ARHGAP42: variants seen among roughly 807,000 people sequenced by gnomAD.
The protein encoded by ARHGAP42 is rho GTPase-activating protein 42.
In ARHGAP42, 63 loss-of-function variants were observed where a neutral mutation model predicts 125.0. That is an observed-to-expected ratio of 0.50 (90% CI 0.41 to 0.62). ARHGAP42 has a LOEUF of 0.62. Ranked by LOEUF, ARHGAP42 falls within the 20% of genes least tolerant of loss-of-function variation. ARHGAP42 has a pLI of 0.00. For synonymous variants in ARHGAP42, 339 were observed against 351.0 expected (o/e 0.97, Z 0.38); for missense variants, 766 against 1,024.2 (o/e 0.75, Z 3.44).
chr11:100,790,358 T>C (rs1234389726), intron 2 of ARHGAP42, among the ~76,000 whole-genome samples: 2 of 152,268 alleles, frequency 1.3e-5, no homozygotes, highest in Admixed American at 1.3e-4. Context: ...TTTTTTGTTC[T>C]GAAAGTGTTT....
At chr11:100,933,067 T>C in intron 6 of ARHGAP42, 89 bp from the exon 7 acceptor site, 2 of 866,906 alleles carry the variant, frequency 2.3e-6, no homozygotes, top group Admixed American at 3.0e-5. Flanking sequence ...TGAGGAATTA[T>C]AATGAAATAT....
chr11:100,899,696 GT>G (rs1170124840), intron 4 of ARHGAP42, among the ~76,000 whole-genome samples: 10,346 of 124,358 alleles, frequency 0.083, 457 homozygotes, highest in East Asian at 0.29. Context: ...TGTTTGTTTT[GT>G]TTTTTTTGTT....
intron 1 of ARHGAP42, among the ~76,000 whole-genome samples, chr11:100,717,001 C>T (rs540570033): frequency 1.3e-5 from 2 of 152,268 alleles, no homozygotes; most frequent in South Asian, 2.1e-4. Context: ...ATTTCAACAG[C>T]TTAGACATCT....
intron 3 of ARHGAP42, among the ~76,000 whole-genome samples, chr11:100,821,999 G>T (rs1460533645): frequency 6.6e-6 from 1 of 152,020 alleles, no homozygotes; most frequent in Non-Finnish European, 1.5e-5. Context: ...AATATCCAAT[G>T]ACCATCCTGT....
rs989177772 is a variant in ARHGAP42 at position 100,799,695 on chromosome 11, A to G, written c.312+4529A>G. Reference sequence around the variant, plus strand: ...AAATAGTTCAGGAAAGCAATAAACTAAGTACCATAGTTATAATTCTAGAAA... The same window carrying G: ...AAATAGTTCAGGAAAGCAATAAACTGAGTACCATAGTTATAATTCTAGAAA... On this transcript the variant is annotated intron_variant, in intron 3 of 23. Coordinates refer to ENST00000298815, the MANE Select transcript of ARHGAP42 (RefSeq NM_152432.4). Among the ~76,000 whole-genome samples the G allele has an allele frequency of 2.6e-5, 4 of 152,228 alleles. No individual in the cohort carries two copies. The South Asian group carries it at 6.2e-4, about 24-fold the overall frequency.
Position 100,992,289 on chromosome 11 carries a change from T to G in ARHGAP42, c.*3488T>G. On this transcript the variant is annotated 3_prime_UTR_variant, in exon 24 of 24. Coordinates refer to ENST00000298815, the MANE Select transcript of ARHGAP42 (RefSeq NM_152432.4). ...TTGTTCTTTGCTTTTATGATACATTTGTAACTCACAGCTGTTAGCATGACC... is the reference window on the plus strand; with the variant it reads ...TTGTTCTTTGCTTTTATGATACATTGGTAACTCACAGCTGTTAGCATGACC... 1 of 1,559,832 alleles carries G rather than the reference T, an allele frequency of 6.4e-7. No individual in the cohort carries two copies. Among genetic ancestry groups the G allele is most frequent in the East Asian group, 2.2e-5 (1 of 44,542 alleles).
At chr11:100,896,556 T>C (rs1228148927) in intron 4 of ARHGAP42, among the ~76,000 whole-genome samples, 2 of 152,232 alleles carry the variant, frequency 1.3e-5, no homozygotes, top group African/African-American at 2.4e-5. Context: ...TGATATCTCA[T>C]TGTGCTTTTG....
intron 3 of ARHGAP42, among the ~76,000 whole-genome samples, chr11:100,797,153 G>C (rs934183818): frequency 1.3e-5 from 2 of 152,184 alleles, no homozygotes; most frequent in African/African-American, 2.4e-5. Context: ...GGTTCATAAG[G>C]TTTAAGGAAA....
chr11:100,992,778 G>T lies in ARHGAP42; in HGVS notation c.*3977G>T, dbSNP rs1858874183. The T allele has an allele frequency of 1.4e-6, 2 of 1,442,326 alleles. No homozygotes were observed. The highest frequency in any genetic ancestry group is 4.6e-5 in the Admixed American group (2 of 43,396). 89.3% of individuals were successfully genotyped at this position (1,442,326 alleles called of 1,614,324 possible). On this transcript the variant is annotated 3_prime_UTR_variant, in exon 24 of 24. Coordinates refer to ENST00000298815, the MANE Select transcript of ARHGAP42 (RefSeq NM_152432.4). The stretch of plus-strand genomic sequence containing the variant: ...AGCTGCCCTCACTGTTTTAAATAAA[G>T]AATCTTACATAAGAATGTTGACAAC...
chr11:100,926,760 C>T (rs931718049), intron 6 of ARHGAP42, among the ~76,000 whole-genome samples: 1 of 152,196 alleles, frequency 6.6e-6, no homozygotes, highest in Non-Finnish European at 1.5e-5. Flanking sequence ...CAATAAGGCA[C>T]CAGCCAGTGT....
chr11:100,941,906 T>C, intron 9 of ARHGAP42, 22 bp downstream of exon 9: 2 of 1,477,842 alleles, frequency 1.4e-6, no homozygotes, highest in Non-Finnish European at 1.8e-6. Flanking sequence ...TTGTTTTCTG[T>C]TTGTTTTTTA....
chr11:100,830,170 A>G (rs190667478), intron 3 of ARHGAP42, among the ~76,000 whole-genome samples: 10 of 152,324 alleles, frequency 6.6e-5, no homozygotes, highest in Admixed American at 2.0e-4. Flanking sequence ...AATTTTCAAT[A>G]TTACACATGC....
chr11:100,772,322 A>G (rs1239424382), intron 2 of ARHGAP42, among the ~76,000 whole-genome samples: 2 of 152,164 alleles, frequency 1.3e-5, no homozygotes, highest in Non-Finnish European at 2.9e-5. Context: ...TCCTTATACA[A>G]GCTTTCTCTG....
At chr11:100,840,202 T>C (rs1225954518) in intron 3 of ARHGAP42, among the ~76,000 whole-genome samples, 4 of 152,182 alleles carry the variant, frequency 2.6e-5, no homozygotes, top group Non-Finnish European at 5.9e-5. Context: ...TTCCTGCAAA[T>C]GATGCGTCCC....
intron 1 of ARHGAP42, among the ~76,000 whole-genome samples, chr11:100,706,034 T>C (rs530190955): frequency 2.0e-5 from 3 of 146,888 alleles, no homozygotes; most frequent in African/African-American, 7.6e-5. Flanking sequence ...TGCTGGAGTG[T>C]AGTGGTGCGA....
chr11:100,863,231 G>A (rs927602379), intron 4 of ARHGAP42, among the ~76,000 whole-genome samples: 1 of 152,078 alleles, frequency 6.6e-6, no homozygotes, highest in African/African-American at 2.4e-5. Flanking sequence ...GGTGCATAAA[G>A]TTAATTCTAC....
At chr11:100,754,235 A>C (rs1444389235) in intron 1 of ARHGAP42, among the ~76,000 whole-genome samples, 1 of 152,234 alleles carries the variant, frequency 6.6e-6, no homozygotes, top group Non-Finnish European at 1.5e-5. Flanking sequence ...TGTATGGATG[A>C]ATACAGTTTT....
At chr11:100,703,934 C>T (rs1172565102) in intron 1 of ARHGAP42, among the ~76,000 whole-genome samples, 5 of 152,134 alleles carry the variant, frequency 3.3e-5, no homozygotes, top group South Asian at 2.1e-4. Flanking sequence ...TCCTAGGTGT[C>T]TCTTATGATA....
chr11:100,803,417 A>C (rs1863912841), intron 3 of ARHGAP42, among the ~76,000 whole-genome samples: 1 of 152,104 alleles, frequency 6.6e-6, no homozygotes, highest in Non-Finnish European at 1.5e-5. Context: ...GACAGAAGAG[A>C]AAGGGTGGGA....
Sources: allele counts gnomAD v4.1 joint callset (sites outside exome capture counted in the v4.1 genomes callset), GRCh38; gene constraint gnomAD v4.1.1; transcripts MANE v1.5; gene names NCBI Gene and HGNC (gene_info 2026-07-23, HGNC 2026-07-21).